Variants in UROS observed in about 807,000 individuals in gnomAD.
The protein encoded by UROS is uroporphyrinogen-III synthase.
A neutral mutation model predicts 33.0 loss-of-function variants in UROS; 18 were observed. That is an observed-to-expected ratio of 0.55 (90% CI 0.38 to 0.81). UROS has a LOEUF of 0.81. Ranked by LOEUF, UROS falls within the 30% of genes least tolerant of loss-of-function variation. The pLI, the probability that UROS is intolerant of heterozygous loss-of-function variation, is 0.00. For missense variants in UROS, 293 were observed against 314.9 expected (o/e 0.93, Z 0.53); for synonymous variants, 114 against 121.1 (o/e 0.94, Z 0.38).
At chr10:125,796,406 G>A (rs147177421) in intron 7 of UROS, among the ~76,000 whole-genome samples, 1 of 152,328 alleles carries the variant, frequency 6.6e-6, no homozygotes, top group East Asian at 1.9e-4. Context: ...AGGAGGCTGA[G>A]ACGGCAGAAA....
rs541259473 is a variant in UROS, at chr10:125,811,097, CAT to C, written c.319+1115_319+1116del. Among the ~76,000 whole-genome samples, 44 of 152,302 alleles carry C rather than the reference CAT, an allele frequency of 2.9e-4. 2 individuals are homozygous for C. The South Asian group carries it at 8.9e-3, about 31-fold the overall frequency. ...AGATGCTCATCATTCATTGTATCAC[CAT>C]AGTCTTTTTTCTCATTTTCTTCTCA... On this transcript the variant is annotated intron_variant, in intron 5 of 9. Transcript: ENST00000368797.
At chr10:125,803,746 A>G (rs1294963881) in intron 6 of UROS, among the ~76,000 whole-genome samples, 2 of 152,098 alleles carry the variant, frequency 1.3e-5, no homozygotes, top group Admixed American at 6.5e-5. Context: ...CTCAGAGGCT[A>G]CTCAGTGCTC....
chr10:125,787,511 C>T (rs1421009422), downstream of UROS, among the ~76,000 whole-genome samples: 4 of 152,148 alleles, frequency 2.6e-5, no homozygotes, highest in Non-Finnish European at 5.9e-5. Flanking sequence ...GAGCGTCTAA[C>T]ACCTCCTGCT....
At chr10:125,785,226 G>A (rs977813440), downstream of UROS, 2 of 152,134 alleles carry the variant, frequency 1.3e-5, no homozygotes, top group African/African-American at 4.8e-5. Flanking sequence ...TCATCTCAGG[G>A]CCCAAGATGC....
At chr10:125,802,525 T>C in intron 6 of UROS, 1 of 993,294 alleles carries the variant, frequency 1.0e-6, no homozygotes, top group South Asian at 4.6e-5. Context: ...AGAGGGCTTC[T>C]CCACACTGGT....
chr10:125,816,351 G>T, intron 2 of UROS, 86 bp downstream of exon 2: 2 of 1,604,806 alleles, frequency 1.2e-6, no homozygotes, highest in South Asian at 1.1e-5. Flanking sequence ...TTCCTCTGAG[G>T]TTTTGCAAAA....
At position 125,789,151 on chromosome 10, in the gene UROS, C is replaced by A. The variant is rs1321616962; in HGVS notation, c.661-146G>T. 7 of 1,424,012 alleles carry A rather than the reference C, an allele frequency of 4.9e-6. No individual in the cohort carries two copies. The Admixed American group carries it at 8.1e-5, about 16-fold the overall frequency. 88.2% of individuals were successfully genotyped at this position (1,424,012 alleles called of 1,614,324 possible). On this transcript the variant is annotated intron_variant, in intron 9 of 9. Coordinates refer to ENST00000368797, the MANE Select transcript of UROS (RefSeq NM_000375.3). ...CGTGTTTATAAAAATGACAACACTG[C>A]CCGATTCTAGCCCAGCTTCTGAGCG...
rs187311661 is a variant in UROS at position 125,802,778 on chromosome 10, C to G, written c.395-4633G>C. ...GAGGGTAGGTCTGAGATGGCACGAA[C>G]TCCCAGCGGTACAGACTGAGGCATC... On this transcript the variant is annotated intron_variant, in intron 6 of 9. Transcript: ENST00000368797. 4,353 of 1,430,106 alleles carry G rather than the reference C, an allele frequency of 3.0e-3. 3 individuals carry two copies. The highest frequency in any genetic ancestry group is 3.7e-3 in the Non-Finnish European group (4,085 of 1,096,854). The allele number at this position is 1,430,106 out of a possible 1,614,324, so 88.6% of individuals were successfully genotyped here. A position where few individuals can be genotyped will look rare whatever the true frequency, so the allele number is the denominator to read the frequency against.
rs750176294 is a variant in UROS, at chr10:125,815,110, G to A, written c.168C>T (p.Tyr56=). ...FSEKLSHPED[Y]GGLIFTSPRA... ...TGGGGCTGGTAAAAATGAGTCCCCCGTAATCTTCAGGATGAGAAAGCTGCA... is the reference window on the plus strand; with the variant it reads ...TGGGGCTGGTAAAAATGAGTCCCCCATAATCTTCAGGATGAGAAAGCTGCA... Residue 56 remains tyrosine, a synonymous_variant, in exon 4 of 10, where the codon TAC becomes TAT. Transcript: ENST00000368797. The A allele has an allele frequency of 1.2e-5, 20 of 1,613,956 alleles. No homozygotes were observed. The highest frequency in any genetic ancestry group is 2.7e-5 in the African/African-American group (2 of 74,894).
chr10:125,796,230 C>T lies in UROS; in HGVS notation c.476-42G>A, dbSNP rs1415461979. On this transcript the variant is annotated intron_variant, in intron 7 of 9. Transcript: ENST00000368797. ...GCAGGAAAGACTTTACCGCACTGGG[C>T]ACACAATGGGGCCTCCACCACTTCA... 3 of 1,581,708 alleles carry T rather than the reference C, an allele frequency of 1.9e-6. No individual in the cohort carries two copies. In the East Asian group the frequency reaches 6.7e-5, roughly 35 times the overall value.
At chr10:125,813,519 C>T (rs1294752473) in intron 4 of UROS, among the ~76,000 whole-genome samples, 1 of 152,186 alleles carries the variant, frequency 6.6e-6, no homozygotes, top group Non-Finnish European at 1.5e-5. Flanking sequence ...ACACATGCTT[C>T]CCCATCTAGC....
intron 6 of UROS, among the ~76,000 whole-genome samples, chr10:125,799,211 T>C (rs1032858034): frequency 2.6e-5 from 4 of 152,222 alleles, no homozygotes; most frequent in South Asian, 4.1e-4. Context: ...TTTCTTTATT[T>C]AAACTGCTCT....
intron 7 of UROS, 106 bp from the exon 8 acceptor site, chr10:125,796,294 T>A (rs548689472): frequency 7.7e-5 from 86 of 1,123,850 alleles, no homozygotes; most frequent in South Asian, 2.6e-4. Context: ...AGCACCACCC[T>A]CCTGGAACGA....
chr10:125,789,199 G>A (rs1187149501), intron 9 of UROS, 194 bp from the exon 10 acceptor site: 14 of 1,432,234 alleles, frequency 9.8e-6, no homozygotes, highest in Non-Finnish European at 1.3e-5. Flanking sequence ...CTGCATCCAC[G>A]CTCTCATCAG....
intron 9 of UROS, among the ~76,000 whole-genome samples, chr10:125,790,256 C>A (rs1301095857): frequency 6.6e-6 from 1 of 152,146 alleles, no homozygotes; most frequent in Admixed American, 6.5e-5. Flanking sequence ...CCCTACCTCA[C>A]ACAACACACA....
intron 1 of UROS, among the ~76,000 whole-genome samples, chr10:125,821,658 A>T (rs1853912017): frequency 6.6e-6 from 1 of 152,224 alleles, no homozygotes; most frequent in African/African-American, 2.4e-5. Context: ...AAGTATAAAG[A>T]AACAGGAAAA....
chr10:125,818,415 C>G (rs1853548727), intron 1 of UROS, among the ~76,000 whole-genome samples: 2 of 152,024 alleles, frequency 1.3e-5, no homozygotes, highest in African/African-American at 4.8e-5. Context: ...ATCACTTGAG[C>G]CCAGGAGTTC....
At chr10:125,795,159 C>T (rs113888429) in intron 8 of UROS, 181 bp from the exon 9 acceptor site, 1 of 661,054 alleles carries the variant, frequency 1.5e-6, no homozygotes, top group Non-Finnish European at 2.7e-6. Context: ...TGGTAGGGAA[C>T]TGTTGGAAAG....
intron 9 of UROS, chr10:125,793,053 C>T (rs1851064286): frequency 6.6e-6 from 1 of 152,176 alleles, no homozygotes; most frequent in Admixed American, 6.6e-5. Flanking sequence ...ACTGAGAGCT[C>T]CTCAGAGTGT....
Sources: allele counts gnomAD v4.1 joint callset (sites outside exome capture counted in the v4.1 genomes callset), GRCh38; gene constraint gnomAD v4.1.1; transcripts MANE v1.5; gene names NCBI Gene and HGNC (gene_info 2026-07-23, HGNC 2026-07-21).